ATP5MC2: variants seen among roughly 807,000 people sequenced by gnomAD.
ATP5MC2 encodes ATP synthase F(0) complex subunit C2, mitochondrial.
ATP5MC2 carries 11 observed loss-of-function variants against 13.5 expected under a neutral mutation model. That is an observed-to-expected ratio of 0.81 (90% CI 0.51 to 1.35). The LOEUF (loss-of-function observed/expected upper bound fraction) is 1.35. ATP5MC2 is among the 40% of genes most tolerant of loss of function. The pLI is 0.00. For missense variants in ATP5MC2, 132 were observed against 175.0 expected (o/e 0.75, Z 1.39); for synonymous variants, 64 against 69.7 (o/e 0.92, Z 0.41).
chr12:53,676,336 G>A (rs188965205), upstream of ATP5MC2: 8 of 1,253,216 alleles, frequency 6.4e-6, no homozygotes, highest in African/African-American at 9.0e-5. Context: ...ACTGCGGTTT[G>A]GTCTGTACCG....
At chr12:53,669,823 C>T (rs775752384) in intron 3 of ATP5MC2, 48 bp downstream of exon 3, 1 of 1,594,646 alleles carries the variant, frequency 6.3e-7, no homozygotes, top group South Asian at 1.1e-5. Context: ...GGTAACCCTC[C>T]CCACCCATCA....
intron 1 of ATP5MC2, chr12:53,674,137 A>G (rs1295677958): frequency 6.6e-6 from 1 of 152,150 alleles, no homozygotes; most frequent in Non-Finnish European, 1.5e-5. Context: ...ACTTGAAGCC[A>G]GGAGTTTGAG....
chr12:53,667,657 T>A (rs1303407771), intron 4 of ATP5MC2, among the ~76,000 whole-genome samples: 2 of 151,966 alleles, frequency 1.3e-5, no homozygotes, highest in African/African-American at 4.8e-5. Flanking sequence ...CCACCATGCC[T>A]GGCTAATTTC....
At chr12:53,665,473 A>T (rs1336288669) in intron 4 of ATP5MC2, 45 bp from the exon 5 acceptor site, 1 of 1,446,986 alleles carries the variant, frequency 6.9e-7, no homozygotes, top group Non-Finnish European at 9.7e-7. Flanking sequence ...AGTTCACACA[A>T]AGAAAAGGAT....
chr12:53,672,682 T>A, intron 1 of ATP5MC2, 37 bp from the exon 2 acceptor site: 1 of 1,539,980 alleles, frequency 6.5e-7, no homozygotes, highest in Admixed American at 2.0e-5. Flanking sequence ...ACGCTCCTTA[T>A]TCACTAAACT....
At position 53,669,861 on chromosome 12, in the gene ATP5MC2, T is replaced by G; in HGVS notation, c.117+10A>C. On this transcript the variant is annotated intron_variant, in intron 3 of 4. Transcript: ENST00000394349. Reference sequence around the variant, plus strand: ...CCCAAAACCACAGTCCCAACTCCACTGTAAGGTACCTCATCTGTCAGTATC... The same window carrying G: ...CCCAAAACCACAGTCCCAACTCCACGGTAAGGTACCTCATCTGTCAGTATC... 6.2e-7 allele frequency: 1 copy of G among 1,613,468 alleles called. No individual in the cohort carries two copies. Among genetic ancestry groups the G allele is most frequent in the Non-Finnish European group, 8.5e-7 (1 of 1,179,690 alleles).
upstream of ATP5MC2, among the ~76,000 whole-genome samples, chr12:53,679,674 TAC>T (rs1945330639): frequency 1.3e-5 from 2 of 152,266 alleles, no homozygotes; most frequent in African/African-American, 4.8e-5. Context: ...CAATACTTTA[TAC>T]ATATTGAGCT....
At chr12:53,672,996 C>T in intron 1 of ATP5MC2, 1 of 217,812 alleles carries the variant, frequency 4.6e-6, no homozygotes, top group Non-Finnish European at 9.3e-6. Context: ...AAAAGGAACG[C>T]TTCTCAAGAC....
chr12:53,672,551 C>T (rs750929598), intron 2 of ATP5MC2, 25 bp downstream of exon 2: 13 of 1,552,966 alleles, frequency 8.4e-6, no homozygotes, highest in Non-Finnish European at 1.0e-5. Context: ...TCCTTTAAAA[C>T]TCTCCCAGAA....
At chr12:53,667,316 GAC>G (rs1944942976) in intron 4 of ATP5MC2, among the ~76,000 whole-genome samples, 1 of 152,142 alleles carries the variant, frequency 6.6e-6, no homozygotes, top group Non-Finnish European at 1.5e-5. Context: ...TCCCAGGAGT[GAC>G]AGAGGGAAAT....
At chr12:53,680,785 T>A (rs1204948665), upstream of ATP5MC2, among the ~76,000 whole-genome samples, 1 of 152,242 alleles carries the variant, frequency 6.6e-6, no homozygotes, top group Non-Finnish European at 1.5e-5. Flanking sequence ...TCCTATGTGC[T>A]AGGCACTGTT....
intron 4 of ATP5MC2, among the ~76,000 whole-genome samples, chr12:53,668,374 G>A (rs950815287): frequency 1.5e-4 from 23 of 151,256 alleles, no homozygotes; most frequent in Non-Finnish European, 2.4e-4. Context: ...TCGGCTCACA[G>A]CTCACTGCAA....
chr12:53,681,030 CCA>C (rs1945337293), upstream of ATP5MC2, among the ~76,000 whole-genome samples: 1 of 151,834 alleles, frequency 6.6e-6, no homozygotes. Context: ...CCTCAGCCTC[CCA>C]AGTAGCTGGG....
chr12:53,674,556 G>A (rs1945208418), intron 1 of ATP5MC2, among the ~76,000 whole-genome samples: 1 of 152,170 alleles, frequency 6.6e-6, no homozygotes, highest in Non-Finnish European at 1.5e-5. Context: ...GAATGCTTAG[G>A]GCTATTAAAT....
chr12:53,676,360 G>C (rs998450046), upstream of ATP5MC2: 8 of 971,216 alleles, frequency 8.2e-6, no homozygotes, highest in African/African-American at 1.2e-4. Flanking sequence ...TTGGGATCTC[G>C]GACTTGCGTC....
At chr12:53,678,156 A>C (rs1178502205), upstream of ATP5MC2, among the ~76,000 whole-genome samples, 1 of 152,220 alleles carries the variant, frequency 6.6e-6, no homozygotes, top group Non-Finnish European at 1.5e-5. Context: ...CTGGGTTCCC[A>C]AATTGCTGTG....
chr12:53,672,594 A>C lies in ATP5MC2; in HGVS notation c.21T>G (p.Phe7Leu). ...TACTCACCAAGGAGGGAGTGGAGAC[A>C]AACTTGGAGCAGGCGAACATTTTCA... MFACSKFVSTPSLVKST... is the reference protein window; with the variant it reads MFACSKLVSTPSLVKST... Residue 7 changes from phenylalanine to leucine, a missense_variant, in exon 2 of 5, where the codon TTT becomes TTG. Phe to Leu is a conservative substitution (Grantham distance 22). Coordinates refer to ENST00000394349, the MANE Select transcript of ATP5MC2 (RefSeq NM_005176.7). 1 of 1,583,186 alleles carries C rather than the reference A, an allele frequency of 6.3e-7. No homozygotes were observed. Among genetic ancestry groups the C allele is most frequent in the Non-Finnish European group, 8.6e-7 (1 of 1,164,320 alleles).
chr12:53,669,956 G>A lies in ATP5MC2; in HGVS notation c.40-8C>T. 6.2e-7 allele frequency: 1 copy of A among 1,613,946 alleles called. No homozygotes were observed. On this transcript the variant is annotated splice_polypyrimidine_tract_variant and splice_region_variant and intron_variant, in intron 2 of 4. Transcript: ENST00000394349. The stretch of plus-strand genomic sequence containing the variant: ...CTGTGAGGTGCTCTTGACCTAGCAG[G>A]AATGACATACAGGGGCAGGAAGGTC...
intron 4 of ATP5MC2, among the ~76,000 whole-genome samples, chr12:53,665,769 A>C (rs1036263881): frequency 1.6e-5 from 1 of 63,456 alleles, no homozygotes; most frequent in African/African-American, 1.1e-4. Flanking sequence ...GTCTATCTAG[A>C]GCAGTGTTTT....
Sources: gnomAD v4.1 joint callset for allele counts (sites outside exome capture counted in the v4.1 genomes callset) on GRCh38, gnomAD v4.1.1 for gene constraint, MANE v1.5 for transcripts, NCBI Gene and HGNC (gene_info 2026-07-23, HGNC 2026-07-21) for gene names.